PDE1C: variants seen among roughly 807,000 people sequenced by gnomAD.
PDE1C encodes the protein dual specificity calcium/calmodulin-dependent 3',5'-cyclic nucleotide phosphodiesterase 1C.
In PDE1C, 62 loss-of-function variants were observed where a neutral mutation model predicts 93.1. The observed-to-expected ratio is 0.67, with a 90% CI of 0.54 to 0.82. The LOEUF (loss-of-function observed/expected upper bound fraction) is 0.82, where lower values mean the gene tolerates loss of function less well. Among genes scored for constraint, PDE1C ranks in the 40% least tolerant of loss-of-function variants. The probability of loss-of-function intolerance (pLI) is 0.00; values close to 1 mark genes in which losing one functional copy is unlikely to be tolerated. For synonymous variants in PDE1C, 325 were observed against 310.1 expected (o/e 1.05, Z -0.50); for missense variants, 742 against 884.6 (o/e 0.84, Z 2.04).
intron 1 of PDE1C, among the ~76,000 whole-genome samples, chr7:32,406,391 C>T (rs1785051883): frequency 6.6e-6 from 1 of 152,064 alleles, no homozygotes; most frequent in African/African-American, 2.4e-5. Context: ...ATTAAGAGGA[C>T]ACTGAATTTT....
At chr7:32,169,880 T>C (rs1802538418) in exon 3 of PDE1C, 1 of 1,612,638 alleles carries the variant, frequency 6.2e-7, no homozygotes, top group African/African-American at 1.3e-5. Context: ...GGACAATTGT[T>C]GGCCTTGGCT....
At chr7:32,359,259 T>C (rs1386644332) in intron 1 of PDE1C, among the ~76,000 whole-genome samples, 1 of 152,202 alleles carries the variant, frequency 6.6e-6, no homozygotes, top group African/African-American at 2.4e-5. Flanking sequence ...CGTTTTTCCA[T>C]GTTGTATTCA....
At chr7:31,919,253 A>G (rs1583966574) in intron 2 of PDE1C, among the ~76,000 whole-genome samples, 1 of 152,204 alleles carries the variant, frequency 6.6e-6, no homozygotes, top group Non-Finnish European at 1.5e-5. Context: ...ACTGTCATTA[A>G]GAGCACAGGG....
intron 1 of PDE1C, among the ~76,000 whole-genome samples, chr7:32,365,134 G>A (rs1281464297): frequency 6.6e-6 from 1 of 152,242 alleles, no homozygotes; most frequent in Non-Finnish European, 1.5e-5. Context: ...AGTGACCCTG[G>A]ACCTGCAATC....
chr7:31,742,503 G>C, the PDE1C span, among the ~76,000 whole-genome samples: 1 of 152,128 alleles, frequency 6.6e-6, no homozygotes, highest in Non-Finnish European at 1.5e-5. Context: ...AGGTGTGTTC[G>C]AGGCCACCCT....
chr7:32,410,634 C>T (rs963347493), intron 1 of PDE1C, among the ~76,000 whole-genome samples: 1 of 151,918 alleles, frequency 6.6e-6, no homozygotes, highest in Non-Finnish European at 1.5e-5. Flanking sequence ...CCTCTGGATT[C>T]CTATGGGTTC....
rs940329350 is a variant in PDE1C, at chr7:32,427,820, A to G, written c.310+2T>C. 7 of 152,144 alleles carry G rather than the reference A, an allele frequency of 4.6e-5. No individual in the cohort carries two copies. The highest frequency in any genetic ancestry group is 1.4e-4 in the African/African-American group (6 of 41,420). The allele number at this position is 152,144 out of a possible 1,614,324, so 9.4% of individuals were successfully genotyped here. A position where few individuals can be genotyped will look rare whatever the true frequency, so the allele number is the denominator to read the frequency against. ...ATCCTTAAGCAAGGTAAGGAAACTC[A>G]CCCGCTGCGCTGCGGCTTCGTGGCC... On this transcript the variant is annotated splice_donor_variant, in intron 1 of 1. Transcript: ENST00000672256. LOFTEE classifies it high-confidence loss of function.
At chr7:31,697,103 C>G in the PDE1C span, 8 of 1,613,966 alleles carry the variant, frequency 5.0e-6, no homozygotes, top group African/African-American at 9.3e-5. Flanking sequence ...CTGCACATGT[C>G]CCCCTTTGCA....
chr7:32,147,984 T>TAAAAAAAAAAA lies in PDE1C; in HGVS notation c.308+21790_308+21800dup, dbSNP rs752433564. Reference sequence around the variant, plus strand: ...AACTTGCCTCTCAACCCATTTATGCTAAAAAAAAAAAAAAAAAAAAAGCCT... The same window carrying TAAAAAAAAAAA: ...AACTTGCCTCTCAACCCATTTATGCTAAAAAAAAAAAAAAAAAAAAAAAAAAAAAAAAGCCT... On this transcript the variant is annotated intron_variant, in intron 3 of 18. Transcript: ENST00000396193. Among the ~76,000 whole-genome samples, 26 of 79,718 alleles carry TAAAAAAAAAAA rather than the reference T, an allele frequency of 3.3e-4. 1 individual carries two copies. The highest frequency in any genetic ancestry group is 1.0e-3 in the African/African-American group (18 of 17,874). 52.3% of individuals were successfully genotyped at this position (79,718 alleles called of 152,430 possible). A position where few individuals can be genotyped will look rare whatever the true frequency, so the allele number is the denominator to read the frequency against.
At chr7:31,981,067 A>G (rs565957785) in intron 2 of PDE1C, among the ~76,000 whole-genome samples, 1 of 152,304 alleles carries the variant, frequency 6.6e-6, no homozygotes, top group Admixed American at 6.5e-5. Context: ...CCATCATTTC[A>G]CTTACCATAT....
chr7:32,106,506 A>T (rs949130004), intron 3 of PDE1C, among the ~76,000 whole-genome samples: 2 of 152,112 alleles, frequency 1.3e-5, no homozygotes, highest in Non-Finnish European at 2.9e-5. Flanking sequence ...TTTTTAAGGA[A>T]ATGGAAACTT....
chr7:31,793,239 C>T (rs1321433963), intron 16 of PDE1C, among the ~76,000 whole-genome samples: 2 of 152,016 alleles, frequency 1.3e-5, no homozygotes, highest in African/African-American at 4.8e-5. Context: ...TTCAATTTAA[C>T]ATGACTTGAT....
intron 3 of PDE1C, among the ~76,000 whole-genome samples, chr7:32,134,111 G>A (rs556693077): frequency 6.6e-6 from 1 of 152,084 alleles, no homozygotes; most frequent in Admixed American, 6.6e-5. Flanking sequence ...GGGAAGAACA[G>A]AGGGGAAAAA....
At chr7:32,147,260 GAAAGAAAGAAAA>G (rs1477098518) in intron 3 of PDE1C, among the ~76,000 whole-genome samples, 8 of 76,160 alleles carry the variant, frequency 1.1e-4, no homozygotes, top group South Asian at 5.5e-4. Context: ...AGAAAAGAAA[GAAAGAAAGAAAA>G]AAAGAAAGAA....
At chr7:32,335,849 C>T (rs1022485646) in intron 1 of PDE1C, among the ~76,000 whole-genome samples, 2 of 152,162 alleles carry the variant, frequency 1.3e-5, no homozygotes, top group Non-Finnish European at 2.9e-5. Flanking sequence ...CCACCTCAGC[C>T]TCCCAAGTAT....
chr7:31,976,671 T>C (rs1158179339), intron 2 of PDE1C, among the ~76,000 whole-genome samples: 1 of 152,194 alleles, frequency 6.6e-6, no homozygotes, highest in Non-Finnish European at 1.5e-5. Flanking sequence ...TAGTCTCTCA[T>C]ATGGACAATT....
chr7:31,642,725 G>T, the PDE1C span: 1 of 1,613,976 alleles, frequency 6.2e-7, no homozygotes, highest in African/African-American at 1.3e-5. Context: ...GAGAATGGAG[G>T]TAGAAAGCCA....
At chr7:32,139,390 G>A (rs1800396349) in intron 3 of PDE1C, among the ~76,000 whole-genome samples, 1 of 136,510 alleles carries the variant, frequency 7.3e-6, no homozygotes, top group Non-Finnish European at 1.5e-5. Context: ...ACATGATTTA[G>A]TGAGAGTCCT....
chr7:32,410,340 A>G (rs909180191), intron 1 of PDE1C, among the ~76,000 whole-genome samples: 2 of 149,384 alleles, frequency 1.3e-5, no homozygotes, highest in Non-Finnish European at 3.0e-5. Context: ...TCTGAATTTA[A>G]AAGAAGAGGA....
Sources: gnomAD v4.1 joint callset for allele counts (sites outside exome capture counted in the v4.1 genomes callset) on GRCh38, gnomAD v4.1.1 for gene constraint, MANE v1.5 for transcripts, NCBI Gene and HGNC (gene_info 2026-07-23, HGNC 2026-07-21) for gene names.